Variants in PRKCB observed in about 807,000 individuals in gnomAD.
The protein encoded by PRKCB is protein kinase C beta type.
PRKCB carries 13 observed loss-of-function variants against 81.5 expected under a neutral mutation model. That is an observed-to-expected ratio of 0.16 (90% confidence interval 0.10 to 0.25). The LOEUF (loss-of-function observed/expected upper bound fraction) is 0.25. PRKCB is among the 10% of genes least tolerant of loss of function. The pLI is 1.00. For synonymous variants in PRKCB, 335 were observed against 321.4 expected (o/e 1.04, Z -0.45); for missense variants, 509 against 875.7 (o/e 0.58, Z 5.29).
chr16:24,065,462 C>G (rs751101107), intron 5 of PRKCB, among the ~76,000 whole-genome samples: 5 of 151,884 alleles, frequency 3.3e-5, no homozygotes, highest in Non-Finnish European at 5.9e-5. Flanking sequence ...CCAAATGATC[C>G]TAGGTTCTTT....
chr16:23,887,751 T>C (rs1024924643), intron 2 of PRKCB, among the ~76,000 whole-genome samples: 1 of 152,272 alleles, frequency 6.6e-6, no homozygotes, highest in Admixed American at 6.5e-5. Flanking sequence ...ATTCTATTTT[T>C]AGTTCTTTGA....
intron 10 of PRKCB, among the ~76,000 whole-genome samples, chr16:24,162,837 A>G (rs1967281995): frequency 6.6e-6 from 1 of 152,118 alleles, no homozygotes; most frequent in Non-Finnish European, 1.5e-5. Context: ...CCCTGACTTG[A>G]CCACTATGCA....
At chr16:23,861,487 G>C (rs920326147) in intron 2 of PRKCB, among the ~76,000 whole-genome samples, 2 of 152,146 alleles carry the variant, frequency 1.3e-5, no homozygotes, top group African/African-American at 4.8e-5. Context: ...CTTAAAAACA[G>C]AATATCTGGC....
intron 2 of PRKCB, among the ~76,000 whole-genome samples, chr16:23,981,684 CT>C (rs1964708772): frequency 1.1e-5 from 1 of 87,986 alleles, no homozygotes; most frequent in Admixed American, 1.1e-4. Context: ...TCCCCTTCCC[CT>C]TCCCTTCCCC....
intron 8 of PRKCB, among the ~76,000 whole-genome samples, chr16:24,122,877 C>A (rs1335983482): frequency 6.6e-6 from 1 of 152,182 alleles, no homozygotes; most frequent in African/African-American, 2.4e-5. Flanking sequence ...TTCCAAAGCA[C>A]CTGCTGCCAC....
chr16:24,190,581 G>A (rs1433695178), intron 15 of PRKCB, among the ~76,000 whole-genome samples: 4 of 149,192 alleles, frequency 2.7e-5, no homozygotes, highest in Admixed American at 1.3e-4. Context: ...GTGCAGTGGC[G>A]CGATCTCAGC....
At chr16:24,182,255 A>C (rs974008426) in intron 13 of PRKCB, among the ~76,000 whole-genome samples, 1 of 151,924 alleles carries the variant, frequency 6.6e-6, no homozygotes, top group African/African-American at 2.4e-5. Flanking sequence ...ATGGTGGCTC[A>C]CTCCTGTAAT....
intron 9 of PRKCB, among the ~76,000 whole-genome samples, chr16:24,128,213 A>G (rs940061192): frequency 6.6e-6 from 1 of 152,156 alleles, no homozygotes; most frequent in Non-Finnish European, 1.5e-5. Context: ...TGTCTCTACT[A>G]AAAATACAAA....
intron 2 of PRKCB, among the ~76,000 whole-genome samples, chr16:23,970,783 C>T (rs189556802): frequency 6.6e-6 from 1 of 152,278 alleles, no homozygotes; most frequent in Admixed American, 6.5e-5. Context: ...TCACAATAGT[C>T]CCAAGGGGAG....
intron 2 of PRKCB, among the ~76,000 whole-genome samples, chr16:23,947,685 G>C (rs1964221363): frequency 6.6e-6 from 1 of 152,074 alleles, no homozygotes; most frequent in Non-Finnish European, 1.5e-5. Flanking sequence ...AAAGGTAAGG[G>C]TTCAATCCAA....
At chr16:23,888,817 G>A (rs970291120) in intron 2 of PRKCB, among the ~76,000 whole-genome samples, 7 of 152,158 alleles carry the variant, frequency 4.6e-5, no homozygotes, top group Non-Finnish European at 1.0e-4. Flanking sequence ...AGGGCTGGAA[G>A]GGTCTCACTA....
intron 5 of PRKCB, among the ~76,000 whole-genome samples, chr16:24,087,764 T>C (rs1483201541): frequency 6.6e-6 from 1 of 152,104 alleles, no homozygotes. Context: ...CTTGGAAAAA[T>C]AGTTAACATG....
intron 3 of PRKCB, among the ~76,000 whole-genome samples, chr16:23,997,315 A>C (rs112049098): frequency 2.0e-5 from 3 of 152,354 alleles, no homozygotes; most frequent in African/African-American, 7.2e-5. Context: ...TAGTATTACC[A>C]TTACCTGTGA....
At position 23,851,725 on chromosome 16, in the gene PRKCB, T is replaced by A. The variant is rs147043759; in HGVS notation, c.205+14319T>A. Among the ~76,000 whole-genome samples, 8 of 152,350 alleles carry A rather than the reference T, an allele frequency of 5.3e-5. No homozygotes were observed. The East Asian group carries it at 1.5e-3, about 29-fold the overall frequency. On this transcript the variant is annotated intron_variant, in intron 2 of 16. Transcript: ENST00000643927. ...TTGTCTAGTCCATGAACACGGAATATCTTTTCATTTATTTGTGTTTTCCTC... is the reference window on the plus strand; with the variant it reads ...TTGTCTAGTCCATGAACACGGAATAACTTTTCATTTATTTGTGTTTTCCTC...
rs1441995075 is a variant in PRKCB at position 24,218,178 on chromosome 16, TAAAC to T, written c.*3365_*3368del. The T allele has an allele frequency of 2.0e-6, 2 of 985,098 alleles. No homozygotes were observed. Among genetic ancestry groups the T allele is most frequent in the South Asian group, 4.7e-5 (1 of 21,276 alleles). The allele number at this position is 985,098 out of a possible 1,614,324, so 61.0% of individuals were successfully genotyped here. On this transcript the variant is annotated 3_prime_UTR_variant, in exon 17 of 17. Transcript: ENST00000643927. ...TTGTTTCTTGGAGAGAAATAATAAA[TAAAC>T]AAGACAATTTCTGAAAGCAATAAGT...
rs552418917 is a variant in PRKCB, at chr16:24,026,822, G to A, written c.289-5314G>A. On this transcript the variant is annotated intron_variant, in intron 3 of 16. Transcript: ENST00000643927. Reference sequence around the variant, plus strand: ...TGAAGGATGTAAGGGAGAAGGAGAAGAGAAAGATGGCAAGGATGCCTTTTA... The same window carrying A: ...TGAAGGATGTAAGGGAGAAGGAGAAAAGAAAGATGGCAAGGATGCCTTTTA... 5.9e-5 allele frequency among the ~76,000 whole-genome samples: 9 copies of A among 152,302 alleles called. 1 individual carries two copies. The South Asian group carries it at 1.9e-3, about 32-fold the overall frequency.
chr16:24,005,059 G>A (rs1197506048), intron 3 of PRKCB, among the ~76,000 whole-genome samples: 1 of 152,164 alleles, frequency 6.6e-6, no homozygotes, highest in Admixed American at 6.5e-5. Context: ...GGAATGTTCT[G>A]TGTCTTGACT....
intron 2 of PRKCB, among the ~76,000 whole-genome samples, chr16:23,908,639 C>T (rs1054462221): frequency 3.3e-5 from 5 of 152,148 alleles, no homozygotes; most frequent in Non-Finnish European, 7.3e-5. Flanking sequence ...TCATGCCATT[C>T]TCCAGCCTCC....
chr16:23,914,471 C>T (rs970210725), intron 2 of PRKCB, among the ~76,000 whole-genome samples: 1 of 152,180 alleles, frequency 6.6e-6, no homozygotes, highest in African/African-American at 2.4e-5. Context: ...TGGTGAGCAT[C>T]TGGGAGAGGC....
Sources: allele counts gnomAD v4.1 joint callset (sites outside exome capture counted in the v4.1 genomes callset), GRCh38; gene constraint gnomAD v4.1.1; transcripts MANE v1.5; gene names NCBI Gene and HGNC (gene_info 2026-07-23, HGNC 2026-07-21).